XIRP2: variants seen among roughly 807,000 people sequenced by gnomAD.
The protein encoded by XIRP2 is xin actin-binding repeat-containing protein 2.
A neutral mutation model predicts 277.0 loss-of-function variants in XIRP2; 236 were observed. That is an observed-to-expected ratio of 0.85 (90% CI 0.77 to 0.95). The LOEUF (loss-of-function observed/expected upper bound fraction) is 0.95, where lower values mean the gene tolerates loss of function less well. Ranked by LOEUF, XIRP2 falls within the 40% of genes least tolerant of loss-of-function variation. The pLI is 0.00. For synonymous variants in XIRP2, 1,490 were observed against 1,416.5 expected, an observed-to-expected ratio of 1.05 and a Z score of -1.17; for missense variants, 4,640 against 4,157.5, an observed-to-expected ratio of 1.12 and a Z score of -3.19.
chr2:167,019,403 A>G (rs1056006586), intron 2 of XIRP2, among the ~76,000 whole-genome samples: 1 of 152,094 alleles, frequency 6.6e-6, no homozygotes, highest in Admixed American at 6.6e-5. Context: ...AGAGTAAGGC[A>G]TGGATAAGAT....
chr2:167,093,289 T>TA (rs1690202146), intron 2 of XIRP2, among the ~76,000 whole-genome samples: 1 of 151,614 alleles, frequency 6.6e-6, no homozygotes, highest in African/African-American at 2.4e-5. Flanking sequence ...TATATATATA[T>TA]TTTTACAGAT....
At chr2:167,117,054 A>C (rs115998981) in intron 2 of XIRP2, among the ~76,000 whole-genome samples, 2,222 of 152,346 alleles carry the variant, frequency 0.015, 59 homozygotes, top group African/African-American at 0.051. Flanking sequence ...GTAGAGTTAG[A>C]AAATGCCTCT....
chr2:166,919,396 T>G (rs1684978685), intron 2 of XIRP2, among the ~76,000 whole-genome samples: 2 of 152,198 alleles, frequency 1.3e-5, no homozygotes, highest in Non-Finnish European at 2.9e-5. Flanking sequence ...ATGTAAGTCA[T>G]TTATTGGATG....
At chr2:167,213,706 C>T (rs1694128486) in intron 4 of XIRP2, among the ~76,000 whole-genome samples, 1 of 152,150 alleles carries the variant, frequency 6.6e-6, no homozygotes, top group Admixed American at 6.5e-5. Flanking sequence ...GAACGGTCCC[C>T]ACCTGAGCAA....
intron 2 of XIRP2, among the ~76,000 whole-genome samples, chr2:167,134,279 C>A (rs1424259713): frequency 6.6e-6 from 1 of 150,518 alleles, no homozygotes; most frequent in African/African-American, 2.4e-5. Flanking sequence ...TACTTATGTA[C>A]ATGTGATATA....
At chr2:166,907,328 T>C (rs1489079671) in intron 2 of XIRP2, among the ~76,000 whole-genome samples, 1 of 152,216 alleles carries the variant, frequency 6.6e-6, no homozygotes, top group Admixed American at 6.5e-5. Context: ...TTTGTAAAAC[T>C]AAGAAATACC....
intron 2 of XIRP2, among the ~76,000 whole-genome samples, chr2:166,969,755 A>G (rs1686529247): frequency 1.4e-5 from 2 of 147,606 alleles, no homozygotes; most frequent in African/African-American, 4.9e-5. Context: ...TTTGGGAGGA[A>G]AAAAAAAAAA....
chr2:167,244,782 C>T lies in XIRP2; in HGVS notation c.3390C>T (p.Leu1130=). The change falls in exon 9 of 11, where the codon CTC becomes CTT. Residue 1130 remains leucine (L), a synonymous_variant. Coordinates refer to ENST00000409195, the MANE Select transcript of XIRP2 (RefSeq NM_152381.6). Reference sequence around the variant, plus strand: ...GAGATGTCAAAACTTGTACTTGGCTCTTTGAAACTCAGCCACTTGATACCA... The same window carrying T: ...GAGATGTCAAAACTTGTACTTGGCTTTTTGAAACTCAGCCACTTGATACCA... ...HKGDVKTCTW[L]FETQPLDTIK... is the part of the protein sequence containing the mutation. 1 of 1,613,484 alleles carries T rather than the reference C, an allele frequency of 6.2e-7. No homozygotes were observed. Among genetic ancestry groups the T allele is most frequent in the Non-Finnish European group, 8.5e-7 (1 of 1,179,734 alleles).
chr2:166,923,442 A>T (rs970370804), intron 2 of XIRP2, among the ~76,000 whole-genome samples: 16 of 152,268 alleles, frequency 1.1e-4, no homozygotes, highest in Admixed American at 3.9e-4. Context: ...CAGTATGGAC[A>T]TTACTAGTAA....
At chr2:167,063,557 A>G (rs1332896974) in intron 2 of XIRP2, among the ~76,000 whole-genome samples, 1 of 151,692 alleles carries the variant, frequency 6.6e-6, no homozygotes, top group Non-Finnish European at 1.5e-5. Context: ...TAATTTGCTT[A>G]TTTTTCCTTG....
chr2:166,941,274 A>C (rs922508477), intron 2 of XIRP2, among the ~76,000 whole-genome samples: 1 of 152,160 alleles, frequency 6.6e-6, no homozygotes, highest in Admixed American at 6.5e-5. Flanking sequence ...CTGGTGTGCC[A>C]TTTGCTAAGA....
At chr2:167,252,671 AT>A (rs1695549801) in intron 9 of XIRP2, among the ~76,000 whole-genome samples, 1 of 151,970 alleles carries the variant, frequency 6.6e-6, no homozygotes, top group Admixed American at 6.6e-5. Context: ...TTAGTACATG[AT>A]TTTTAACATC....
intron 3 of XIRP2, among the ~76,000 whole-genome samples, chr2:167,171,192 AC>A (rs1692680230): frequency 6.6e-6 from 1 of 151,578 alleles, no homozygotes; most frequent in Non-Finnish European, 1.5e-5. Context: ...GAGCCACTGC[AC>A]CCGCCCTCTT....
At chr2:166,919,423 T>C (rs538568387) in intron 2 of XIRP2, among the ~76,000 whole-genome samples, 1 of 152,334 alleles carries the variant, frequency 6.6e-6, no homozygotes, top group Non-Finnish European at 1.5e-5. Context: ...GACAAATTAC[T>C]CTAAGGCATG....
At chr2:167,023,771 T>C (rs569830950) in intron 2 of XIRP2, among the ~76,000 whole-genome samples, 1 of 152,256 alleles carries the variant, frequency 6.6e-6, no homozygotes, top group South Asian at 2.1e-4. Context: ...GTTGTAGATA[T>C]GCGGCATTAT....
At chr2:166,971,230 C>T (rs1686567473) in intron 2 of XIRP2, among the ~76,000 whole-genome samples, 1 of 151,962 alleles carries the variant, frequency 6.6e-6, no homozygotes, top group South Asian at 2.1e-4. Context: ...ACATATGCTA[C>T]ATCAGGGCAG....
At chr2:167,088,995 G>C (rs1690061037) in intron 2 of XIRP2, among the ~76,000 whole-genome samples, 1 of 152,088 alleles carries the variant, frequency 6.6e-6, no homozygotes. Context: ...CATGTAATTA[G>C]CACTCAACAA....
In XIRP2 at chr2:166,939,692, A is replaced by AAC. The variant is rs1685637725; in HGVS notation, c.408+35803_408+35804insCA. ...AAGACTCCATCACAAAAAAAAAAAAAAAAAAACAAAAAACAAAAACAAAAA... is the reference window on the plus strand; with the variant it reads ...AAGACTCCATCACAAAAAAAAAAAAAACAAAAAACAAAAAACAAAAACAAAAA... On this transcript the variant is annotated intron_variant, in intron 2 of 10. Coordinates refer to ENST00000409195, the MANE Select transcript of XIRP2 (RefSeq NM_152381.6). Among the ~76,000 whole-genome samples the AAC allele has an allele frequency of 8.2e-5, 11 of 133,426 alleles. No homozygotes were observed. The South Asian group carries it at 2.6e-3, about 32-fold the overall frequency. The allele number at this position is 133,426 out of a possible 152,430, so 87.5% of individuals were successfully genotyped here.
intron 2 of XIRP2, among the ~76,000 whole-genome samples, chr2:167,024,652 T>C (rs1688096521): frequency 6.6e-6 from 1 of 152,176 alleles, no homozygotes; most frequent in Non-Finnish European, 1.5e-5. Context: ...TATTGAGAGT[T>C]TTTAGCATGA....
Sources: allele counts gnomAD v4.1 joint callset (sites outside exome capture counted in the v4.1 genomes callset), GRCh38; gene constraint gnomAD v4.1.1; transcripts MANE v1.5; gene names NCBI Gene and HGNC (gene_info 2026-07-23, HGNC 2026-07-21).